Variants in CCDC141 observed in about 807,000 individuals in gnomAD.
CCDC141 encodes the protein coiled-coil domain containing 141.
Under a neutral mutation model 181.0 loss-of-function variants are expected in CCDC141, and 168 were observed. The observed-to-expected ratio is 0.93, with a 90% CI of 0.82 to 1.05. The LOEUF is 1.05. CCDC141 is among the 50% of genes least tolerant of loss of function. The probability of loss-of-function intolerance (pLI) is 0.00; values close to 1 mark genes in which losing one functional copy is unlikely to be tolerated. For missense variants in CCDC141, 1,902 were observed against 1,788.5 expected (o/e 1.06, Z -1.14); for synonymous variants, 666 against 642.3 (o/e 1.04, Z -0.56).
In CCDC141 at chr2:178,833,933, T is replaced by C; in HGVS notation, c.*240A>G. 1 of 476,802 alleles carries C rather than the reference T, an allele frequency of 2.1e-6. No individual in the cohort carries two copies. Among genetic ancestry groups the C allele is most frequent in the Non-Finnish European group, 3.7e-6 (1 of 267,910 alleles). 29.5% of individuals were successfully genotyped at this position (476,802 alleles called of 1,614,324 possible). The stretch of plus-strand genomic sequence containing the variant: ...CTGCATATTATGTTGAAAACATCTG[T>C]TTCTAGAGTACAAAAATCTGTTCTT... On this transcript the variant is annotated 3_prime_UTR_variant, in exon 24 of 24. Coordinates refer to ENST00000443758, the MANE Select transcript of CCDC141 (RefSeq NM_173648.4).
intron 8 of CCDC141, among the ~76,000 whole-genome samples, chr2:178,898,609 A>G (rs893416176): frequency 3.9e-5 from 6 of 152,230 alleles, no homozygotes; most frequent in Admixed American, 3.3e-4. Context: ...AGGAAATAGA[A>G]AAGGCAAGAA....
In CCDC141 at chr2:178,869,584, A is replaced by G. The variant is rs550732532; in HGVS notation, c.2206-279T>C. 3.3e-5 allele frequency among the ~76,000 whole-genome samples: 5 copies of G among 152,370 alleles called. No individual in the cohort carries two copies. In the East Asian group the frequency reaches 5.8e-4, roughly 18 times the overall value. On this transcript the variant is annotated intron_variant, in intron 14 of 23. Coordinates refer to ENST00000443758, the MANE Select transcript of CCDC141 (RefSeq NM_173648.4). ...ACAAAGTCATACATTTCTATGGCAT[A>G]CCAAATATTCTATTCATCTGTTAAG...
At chr2:178,905,230 A>T in intron 8 of CCDC141, 99 bp downstream of exon 8, 1 of 1,140,162 alleles carries the variant, frequency 8.8e-7, no homozygotes, top group Non-Finnish European at 1.2e-6. Flanking sequence ...GCAGCAAAAC[A>T]TCAGAACCAG....
chr2:178,891,249 C>A (rs1375975322), intron 8 of CCDC141, among the ~76,000 whole-genome samples: 1 of 152,122 alleles, frequency 6.6e-6, no homozygotes, highest in African/African-American at 2.4e-5. Flanking sequence ...GATAAGGCAC[C>A]ATTCTTAAAA....
At chr2:178,893,556 G>GA (rs1369877528) in intron 8 of CCDC141, among the ~76,000 whole-genome samples, 1 of 151,886 alleles carries the variant, frequency 6.6e-6, no homozygotes, top group Non-Finnish European at 1.5e-5. Context: ...TTTAAAGATG[G>GA]AAAAAAATCT....
chr2:178,871,623 A>G (rs1048665785), intron 13 of CCDC141, 71 bp from the exon 14 acceptor site: 2 of 1,554,610 alleles, frequency 1.3e-6, no homozygotes, highest in African/African-American at 1.4e-5. Context: ...CATTCTAGGT[A>G]TGACGCAGAG....
chr2:178,835,334 AT>A (rs1348754144), intron 23 of CCDC141, among the ~76,000 whole-genome samples: 1 of 152,228 alleles, frequency 6.6e-6, no homozygotes, highest in African/African-American at 2.4e-5. Flanking sequence ...TATAAAAGGT[AT>A]TTATGCAACT....
At chr2:178,894,199 C>T (rs971668295) in intron 8 of CCDC141, among the ~76,000 whole-genome samples, 12 of 152,270 alleles carry the variant, frequency 7.9e-5, no homozygotes, top group Non-Finnish European at 1.3e-4. Flanking sequence ...TCTCCACAGA[C>T]GCTTGTGTGA....
Position 178,916,579 on chromosome 2 carries a change from G to A in CCDC141, c.1092+2134C>T, listed in dbSNP as rs76111094. 5.9e-3 allele frequency among the ~76,000 whole-genome samples: 902 copies of A among 152,048 alleles called. 10 individuals are homozygous for A. The highest frequency in any genetic ancestry group is 0.02 in the African/African-American group (836 of 41,504). On this transcript the variant is annotated intron_variant, in intron 7 of 23. Transcript: ENST00000443758. ...GTAAAAAATTCATTTCAACAGTCAT[G>A]ATTAAACATCTACATTCCAAACTCC...
At position 178,855,436 on chromosome 2, in the gene CCDC141, G is replaced by T. The variant is rs748978141; in HGVS notation, c.2971C>A (p.Gln991Lys). 1.2e-6 allele frequency: 2 copies of T among 1,611,494 alleles called. No homozygotes were observed. The highest frequency in any genetic ancestry group is 2.2e-5 in the South Asian group (2 of 90,508). Reference sequence around the variant, plus strand: ...TTGTCAAAGTCATCCACATGTTTTTGCAAATCCTTCATGACTTCCAAAAGG... The same window carrying T: ...TTGTCAAAGTCATCCACATGTTTTTTCAAATCCTTCATGACTTCCAAAAGG... ...NVLLEVMKDL[Q>K]KHVDDFDKVV... is the part of the protein sequence containing the mutation. The change falls in exon 19 of 24, where the codon CAA (glutamine) becomes AAA (lysine). Residue 991 changes from glutamine (Q) to lysine (K), a missense_variant. Physicochemically the swap from Gln to Lys is moderately conservative, Grantham distance 53 (BLOSUM62 1). Transcript: ENST00000443758.
the CCDC141 span, among the ~76,000 whole-genome samples, chr2:178,815,581 T>G: frequency 1.3e-5 from 2 of 152,170 alleles, no homozygotes; most frequent in East Asian, 3.8e-4. Context: ...TTCAGTATCC[T>G]TGTGGGATTG....
intron 5 of CCDC141, among the ~76,000 whole-genome samples, chr2:178,947,048 G>T (rs1013078396): frequency 2.0e-5 from 3 of 152,152 alleles, no homozygotes; most frequent in African/African-American, 7.2e-5. Context: ...CAGACTCTTC[G>T]ATCAGATTTA....
At chr2:178,982,980 G>A (rs986014232) in intron 2 of CCDC141, among the ~76,000 whole-genome samples, 1 of 152,212 alleles carries the variant, frequency 6.6e-6, no homozygotes, top group Non-Finnish European at 1.5e-5. Context: ...AAGGAGGCCT[G>A]CCTGCCTCTG....
chr2:178,858,134 T>A (rs1685463078), intron 17 of CCDC141, among the ~76,000 whole-genome samples: 1 of 152,196 alleles, frequency 6.6e-6, no homozygotes, highest in African/African-American at 2.4e-5. Context: ...AGAGACCGCA[T>A]GAACCACTTT....
In CCDC141 at chr2:178,850,031, C is replaced by G. The variant is rs1417880015; in HGVS notation, c.3357+18G>C. 7.5e-7 allele frequency: 1 copy of G among 1,334,120 alleles called. No homozygotes were observed. Among genetic ancestry groups the G allele is most frequent in the Non-Finnish European group, 1.1e-6 (1 of 941,048 alleles). The allele number at this position is 1,334,120 out of a possible 1,614,324, so 82.6% of individuals were successfully genotyped here. ...TTTATTTTGCTTGAAAATACATATT[C>G]TAGGAAGAAGAAATTACCTTCAGTT... is the stretch of plus-strand genomic sequence containing the variant. On this transcript the variant is annotated intron_variant, in intron 21 of 23. Coordinates refer to ENST00000443758, the MANE Select transcript of CCDC141 (RefSeq NM_173648.4).
chr2:178,964,426 T>C (rs1474576908), intron 4 of CCDC141, among the ~76,000 whole-genome samples: 1 of 152,184 alleles, frequency 6.6e-6, no homozygotes, highest in Non-Finnish European at 1.5e-5. Flanking sequence ...GGTCAACCTG[T>C]TATGGTTCCC....
At chr2:179,028,869 T>C (rs2042927403) in intron 2 of CCDC141, among the ~76,000 whole-genome samples, 1 of 152,138 alleles carries the variant, frequency 6.6e-6, no homozygotes, top group East Asian at 1.9e-4. Context: ...CCCATTCAAG[T>C]CCATCCCACA....
chr2:178,824,614 C>A, the CCDC141 span, among the ~76,000 whole-genome samples: 1 of 73,782 alleles, frequency 1.4e-5, no homozygotes, highest in Non-Finnish European at 2.3e-5. Context: ...AGTGAGACTT[C>A]GTCAAAAAAA....
rs147091008 is a variant in CCDC141, at chr2:178,884,573, C to T, written c.1719+328G>A. Among the ~76,000 whole-genome samples the T allele has an allele frequency of 2.6e-5, 4 of 152,268 alleles. No individual in the cohort carries two copies. In the East Asian group the frequency reaches 5.8e-4, roughly 22 times the overall value. The stretch of plus-strand genomic sequence containing the variant: ...ACCAGCTGCCTCACTGCCTATCCTC[C>T]CTCCTTTTTGTTTTCCTTGTGCTTG... On this transcript the variant is annotated intron_variant, in intron 11 of 23. Transcript: ENST00000443758.
Sources: allele counts gnomAD v4.1 joint callset (sites outside exome capture counted in the v4.1 genomes callset), GRCh38; gene constraint gnomAD v4.1.1; transcripts MANE v1.5; gene names NCBI Gene and HGNC (gene_info 2026-07-23, HGNC 2026-07-21).